Variants in RSPO4 observed in about 807,000 individuals in gnomAD.
The protein encoded by RSPO4 is R-spondin 4.
Under a neutral mutation model 24.8 loss-of-function variants are expected in RSPO4, and 23 were observed. The observed-to-expected ratio is 0.93, with a 90% CI of 0.67 to 1.31. RSPO4 has a LOEUF of 1.31. Ranked by LOEUF, RSPO4 falls within the 40% of genes most tolerant of loss-of-function variation. RSPO4 has a pLI of 0.00. For synonymous variants in RSPO4, 141 were observed against 127.4 expected, an observed-to-expected ratio of 1.11 and a Z score of -0.72; for missense variants, 333 against 316.5, an observed-to-expected ratio of 1.05 and a Z score of -0.39.
At chr20:978,343 A>C (rs946598631) in intron 1 of RSPO4, among the ~76,000 whole-genome samples, 7 of 152,168 alleles carry the variant, frequency 4.6e-5, no homozygotes, top group Admixed American at 4.6e-4. Flanking sequence ...CATCTGCGCA[A>C]AGTGCTTAGC....
At chr20:987,854 G>A (rs4816125) in intron 1 of RSPO4, among the ~76,000 whole-genome samples, 48,478 of 152,220 alleles carry the variant, frequency 0.32, 13,202 homozygotes, top group African/African-American at 0.74. Flanking sequence ...TCCTTCCACA[G>A]ATATTTATTG....
At chr20:960,670 T>A (rs1245858519) in intron 4 of RSPO4, among the ~76,000 whole-genome samples, 1 of 152,210 alleles carries the variant, frequency 6.6e-6, no homozygotes, top group Non-Finnish European at 1.5e-5. Flanking sequence ...TCTCTCTAGG[T>A]CTTCAGGGAG....
chr20:967,166 C>G lies in RSPO4; in HGVS notation c.409+8G>C. 1.2e-6 allele frequency: 2 copies of G among 1,612,884 alleles called. No homozygotes were observed. The highest frequency in any genetic ancestry group is 1.7e-6 in the Non-Finnish European group (2 of 1,179,676). ...GGGCAGGGGCAGGGCGGGGAGGTCC[C>G]CACTCACCCTGGCACTCCCGTGTGT... On this transcript the variant is annotated splice_region_variant and intron_variant, in intron 3 of 4. Coordinates refer to ENST00000217260, the MANE Select transcript of RSPO4 (RefSeq NM_001029871.4).
At chr20:979,055 G>A (rs897346451) in intron 1 of RSPO4, among the ~76,000 whole-genome samples, 3 of 152,078 alleles carry the variant, frequency 2.0e-5, no homozygotes, top group Non-Finnish European at 2.9e-5. Flanking sequence ...AGACTTCAGC[G>A]GCATCCTTGT....
chr20:959,092 G>C lies in RSPO4; in HGVS notation c.*1265C>G, dbSNP rs1220524072. On this transcript the variant is annotated 3_prime_UTR_variant, in exon 5 of 5. Transcript: ENST00000217260. ...GGTGGTGGGTGTGGGCGAGTGTGGT[G>C]GTGGGTGTGGGGGAGTGTGGTGGTG... 6.6e-6 allele frequency: 1 copy of C among 150,994 alleles called. No homozygotes were observed. The highest frequency in any genetic ancestry group is 2.5e-5 in the African/African-American group (1 of 40,750). The allele number at this position is 150,994 out of a possible 1,614,324, so 9.4% of individuals were successfully genotyped here. A position where few individuals can be genotyped will look rare whatever the true frequency, so the allele number is the denominator to read the frequency against.
intron 3 of RSPO4, among the ~76,000 whole-genome samples, chr20:966,774 G>A (rs141741933): frequency 3.4e-3 from 514 of 152,308 alleles, no homozygotes; most frequent in African/African-American, 0.012. Context: ...AGGATTCTCT[G>A]AGCCTAGGAG....
intron 4 of RSPO4, among the ~76,000 whole-genome samples, chr20:961,821 C>T (rs1486854931): frequency 6.6e-6 from 1 of 151,936 alleles, no homozygotes; most frequent in Non-Finnish European, 1.5e-5. Flanking sequence ...ACTCACCCAC[C>T]TATTCACCCA....
In RSPO4 at chr20:959,495, G is replaced by A. The variant is rs1258042663; in HGVS notation, c.*862C>T. 1 of 152,514 alleles carries A rather than the reference G, an allele frequency of 6.6e-6. No individual in the cohort carries two copies. The highest frequency in any genetic ancestry group is 2.1e-4 in the South Asian group (1 of 4,834). 9.4% of individuals were successfully genotyped at this position (152,514 alleles called of 1,614,324 possible). On this transcript the variant is annotated 3_prime_UTR_variant, in exon 5 of 5. Coordinates refer to ENST00000217260, the MANE Select transcript of RSPO4 (RefSeq NM_001029871.4). ...CTTTCCGTTTCAGTGGCCTCTTCTG[G>A]GCTGGGCAGGTGGATCCCCCAGCAG...
At chr20:965,823 C>T (rs963258245) in intron 3 of RSPO4, among the ~76,000 whole-genome samples, 1 of 152,182 alleles carries the variant, frequency 6.6e-6, no homozygotes, top group African/African-American at 2.4e-5. Flanking sequence ...ATGTCATGTC[C>T]TTGAGTGCAG....
intron 2 of RSPO4, 126 bp from the exon 3 acceptor site, chr20:967,440 G>T: frequency 1.0e-6 from 1 of 988,638 alleles, no homozygotes; most frequent in Non-Finnish European, 1.6e-6. Context: ...AGGACTCAGT[G>T]TCTCCTTTGA....
chr20:990,034 G>T (rs1371426991), intron 1 of RSPO4, among the ~76,000 whole-genome samples: 1 of 152,222 alleles, frequency 6.6e-6, no homozygotes, highest in Non-Finnish European at 1.5e-5. Context: ...GCAGGGATGA[G>T]AAAACTGAGG....
chr20:979,330 G>T (rs1217476506), intron 1 of RSPO4, among the ~76,000 whole-genome samples: 1 of 152,062 alleles, frequency 6.6e-6, no homozygotes, highest in Admixed American at 6.6e-5. Context: ...CACCCGCAAG[G>T]CTCCCTCCCT....
chr20:983,136 G>A (rs934887343), intron 1 of RSPO4, among the ~76,000 whole-genome samples: 1 of 152,216 alleles, frequency 6.6e-6, no homozygotes, highest in East Asian at 1.9e-4. Flanking sequence ...TTCTGCAAAC[G>A]ACCTTCTTCA....
Position 960,037 on chromosome 20 carries a change from A to C in RSPO4, c.*320T>G. On this transcript the variant is annotated 3_prime_UTR_variant, in exon 5 of 5. Transcript: ENST00000217260. ...GTGTGAGAGGGAGACAAGAGGAGGG[A>C]GAGAGAGAAGGATGCGGTGAAGGAC... 2.4e-6 allele frequency: 1 copy of C among 419,862 alleles called. No individual in the cohort carries two copies. Among genetic ancestry groups the C allele is most frequent in the Non-Finnish European group, 4.4e-6 (1 of 228,894 alleles). The allele number at this position is 419,862 out of a possible 1,614,324, so 26.0% of individuals were successfully genotyped here. A position where few individuals can be genotyped will look rare whatever the true frequency, so the allele number is the denominator to read the frequency against.
intron 1 of RSPO4, among the ~76,000 whole-genome samples, chr20:982,462 T>C (rs560992395): frequency 1.3e-5 from 2 of 152,330 alleles, no homozygotes; most frequent in East Asian, 1.9e-4. Context: ...TTTCTTTTCA[T>C]GTATGAGGGA....
At chr20:976,576 T>A (rs1363664059) in intron 1 of RSPO4, among the ~76,000 whole-genome samples, 1 of 152,164 alleles carries the variant, frequency 6.6e-6, no homozygotes, top group Non-Finnish European at 1.5e-5. Flanking sequence ...TGTATTTTTT[T>A]TTTCCATTTC....
intron 1 of RSPO4, among the ~76,000 whole-genome samples, chr20:979,188 CCT>C (rs1471503103): frequency 2.6e-5 from 4 of 152,118 alleles, no homozygotes; most frequent in African/African-American, 9.7e-5. Context: ...CTGCTCCTGC[CCT>C]GTTTCCCCAC....
At chr20:960,591 G>A in intron 4 of RSPO4, 125 bp from the exon 5 acceptor site, 1 of 736,060 alleles carries the variant, frequency 1.4e-6, no homozygotes, top group Non-Finnish European at 2.4e-6. Flanking sequence ...AGAACATTTG[G>A]GCACTGACCT....
chr20:997,186 G>A (rs1380050494), intron 1 of RSPO4, among the ~76,000 whole-genome samples: 1 of 152,100 alleles, frequency 6.6e-6, no homozygotes, highest in Non-Finnish European at 1.5e-5. Flanking sequence ...CTGGCACATG[G>A]CCCGCCTCCC....
Sources: allele counts gnomAD v4.1 joint callset (sites outside exome capture counted in the v4.1 genomes callset), GRCh38; gene constraint gnomAD v4.1.1; transcripts MANE v1.5; gene names NCBI Gene and HGNC (gene_info 2026-07-23, HGNC 2026-07-21).